The following COP1 variants were observed in gnomAD, a reference collection of about 807,000 sequenced individuals.
COP1 encodes the protein COP1 E3 ubiquitin ligase.
A neutral mutation model predicts 101.3 loss-of-function variants in COP1; 24 were observed. The ratio of observed to expected loss-of-function variants is 0.24; its 90% CI spans 0.17 to 0.33. The LOEUF is 0.33. Ranked by LOEUF, COP1 falls within the 10% of genes least tolerant of loss-of-function variation. The pLI, the probability that COP1 is intolerant of heterozygous loss-of-function variation, is 1.00. For synonymous variants in COP1, 347 were observed against 341.9 expected (o/e 1.01, Z -0.17); for missense variants, 663 against 906.2 (o/e 0.73, Z 3.45).
chr1:176,061,981 C>A (rs1008626819), intron 11 of COP1, among the ~76,000 whole-genome samples: 1 of 152,060 alleles, frequency 6.6e-6, no homozygotes, highest in Non-Finnish European at 1.5e-5. Flanking sequence ...CATCACTAAA[C>A]AAGAGAAAGA....
chr1:175,991,854 A>C (rs963877302), intron 15 of COP1, among the ~76,000 whole-genome samples: 2 of 152,204 alleles, frequency 1.3e-5, no homozygotes, highest in African/African-American at 4.8e-5. Flanking sequence ...AAGGGTAATG[A>C]TATGCATAGA....
chr1:176,196,340 A>G (rs1184645266), intron 1 of COP1, among the ~76,000 whole-genome samples: 2 of 152,198 alleles, frequency 1.3e-5, no homozygotes, highest in Admixed American at 1.3e-4. Flanking sequence ...AAGACTAAAA[A>G]AAATTAATAA....
chr1:176,155,735 A>G (rs1296950689), intron 5 of COP1, among the ~76,000 whole-genome samples: 1 of 152,108 alleles, frequency 6.6e-6, no homozygotes, highest in Non-Finnish European at 1.5e-5. Context: ...CTGAAAACCA[A>G]TGTCAGAAAG....
intron 5 of COP1, among the ~76,000 whole-genome samples, chr1:176,151,694 A>G (rs974640911): frequency 1.3e-5 from 2 of 152,224 alleles, no homozygotes; most frequent in Non-Finnish European, 2.9e-5. Flanking sequence ...AAATATGTGA[A>G]CTGCCTATTA....
At chr1:176,193,148 T>C (rs529166580) in intron 1 of COP1, among the ~76,000 whole-genome samples, 1 of 152,168 alleles carries the variant, frequency 6.6e-6, no homozygotes, top group South Asian at 2.1e-4. Flanking sequence ...GAGTAATAAA[T>C]GAATGGCCAA....
rs78354875 is a variant in COP1, at chr1:176,079,467, G to A, written c.1277+1685C>T. Among the ~76,000 whole-genome samples the A allele has an allele frequency of 7.3e-3, 1,113 of 151,978 alleles. 10 individuals are homozygous for A. The highest frequency in any genetic ancestry group is 0.025 in the African/African-American group (1,050 of 41,456). ...TGTAAACATGGGAACAACACATACCGGGGACAACTAGATGGGGAGGTGGGA... is the reference window on the plus strand; with the variant it reads ...TGTAAACATGGGAACAACACATACCAGGGACAACTAGATGGGGAGGTGGGA... On this transcript the variant is annotated intron_variant, in intron 11 of 19. Transcript: ENST00000367669.
At position 176,179,494 on chromosome 1, in the gene COP1, C is replaced by T. The variant is rs149382724; in HGVS notation, c.468-3487G>A. On this transcript the variant is annotated intron_variant, in intron 2 of 19. Transcript: ENST00000367669. ...TCGTGCCTGTAATCTCAGCAATTTG[C>T]GAGGGCGAGGCAGGAGGATTGCCTG... Among the ~76,000 whole-genome samples the T allele has an allele frequency of 2.7e-3, 403 of 152,052 alleles. 2 individuals are homozygous for T. Among genetic ancestry groups the T allele is most frequent in the African/African-American group, 9.2e-3 (382 of 41,494 alleles).
intron 15 of COP1, among the ~76,000 whole-genome samples, chr1:176,015,775 T>C (rs1665518532): frequency 6.6e-6 from 1 of 152,068 alleles, no homozygotes. Context: ...ACAGACTAGA[T>C]CAATTAATTT....
chr1:176,104,097 G>A (rs997440748), intron 9 of COP1, among the ~76,000 whole-genome samples: 3 of 152,236 alleles, frequency 2.0e-5, no homozygotes, highest in South Asian at 2.1e-4. Context: ...CCAGCAGATG[G>A]ATAAACTTTT....
chr1:176,064,312 T>A (rs962790637), intron 11 of COP1, among the ~76,000 whole-genome samples: 1 of 152,200 alleles, frequency 6.6e-6, no homozygotes, highest in Non-Finnish European at 1.5e-5. Context: ...ATTTTTAATA[T>A]TATTTTTAAA....
At chr1:175,951,331 G>C (rs546840944) in intron 18 of COP1, among the ~76,000 whole-genome samples, 210 of 149,556 alleles carry the variant, frequency 1.4e-3, no homozygotes, top group African/African-American at 4.8e-3. Context: ...TATTCACTCA[G>C]CAACTGGTGG....
intron 18 of COP1, among the ~76,000 whole-genome samples, chr1:175,986,261 T>C (rs1352097697): frequency 6.6e-6 from 1 of 152,100 alleles, no homozygotes; most frequent in Non-Finnish European, 1.5e-5. Flanking sequence ...CCTCGTGATT[T>C]GCCCGCCTCG....
intron 17 of COP1, among the ~76,000 whole-genome samples, chr1:175,987,699 A>G (rs1168571562): frequency 6.6e-6 from 1 of 152,212 alleles, no homozygotes; most frequent in Non-Finnish European, 1.5e-5. Flanking sequence ...ATGTGGAGAA[A>G]GTCAACTTTG....
chr1:176,056,026 C>T (rs1673415884), intron 11 of COP1, among the ~76,000 whole-genome samples: 1 of 152,010 alleles, frequency 6.6e-6, no homozygotes, highest in Non-Finnish European at 1.5e-5. Context: ...TTCTGATACA[C>T]AGAAATTTCA....
At chr1:176,000,297 A>G (rs943033929) in intron 15 of COP1, among the ~76,000 whole-genome samples, 4 of 152,118 alleles carry the variant, frequency 2.6e-5, no homozygotes, top group Non-Finnish European at 5.9e-5. Flanking sequence ...ACAGAGGTCT[A>G]GTTCCATTCT....
chr1:176,019,128 T>C (rs377293588), intron 15 of COP1, among the ~76,000 whole-genome samples: 2 of 151,596 alleles, frequency 1.3e-5, no homozygotes, highest in East Asian at 3.9e-4. Flanking sequence ...ATTGCACCAC[T>C]GCACTCCAGC....
At chr1:175,958,657 T>C (rs1436858618) in intron 18 of COP1, among the ~76,000 whole-genome samples, 1 of 141,158 alleles carries the variant, frequency 7.1e-6, no homozygotes, top group East Asian at 2.4e-4. Context: ...ATTGATGACT[T>C]CCCTCAGAAT....
chr1:176,148,530 G>A (rs779127757), intron 6 of COP1, among the ~76,000 whole-genome samples: 6 of 151,954 alleles, frequency 3.9e-5, no homozygotes, highest in Admixed American at 1.3e-4. Flanking sequence ...GAACATGCTC[G>A]CTATAAAACT....
At chr1:176,004,421 T>C (rs1662562924) in intron 15 of COP1, among the ~76,000 whole-genome samples, 1 of 122,602 alleles carries the variant, frequency 8.2e-6, no homozygotes, top group Non-Finnish European at 1.8e-5. Context: ...GGCATCCCTG[T>C]CTTGTGCCAG....
Sources: allele counts gnomAD v4.1 joint callset (sites outside exome capture counted in the v4.1 genomes callset), GRCh38; gene constraint gnomAD v4.1.1; transcripts MANE v1.5; gene names NCBI Gene and HGNC (gene_info 2026-07-23, HGNC 2026-07-21).